Variants in INSL6 observed in about 807,000 individuals in gnomAD.
The protein encoded by INSL6 is insulin-like peptide INSL6.
Under a neutral mutation model 9.4 loss-of-function variants are expected in INSL6, and 16 were observed. The ratio of observed to expected loss-of-function variants is 1.70; its 90% CI spans 1.15 to 2.59. INSL6 has a LOEUF of 2.59. Among genes scored for constraint, INSL6 ranks in the 30% most tolerant of loss-of-function variants. The pLI is 0.00. For missense variants in INSL6, 391 were observed against 257.3 expected, an observed-to-expected ratio of 1.52 and a Z score of -3.56; for synonymous variants, 154 against 96.9, an observed-to-expected ratio of 1.59 and a Z score of -3.46.
At chr9:4,994,927 T>C in the INSL6 span, among the ~76,000 whole-genome samples, 1 of 148,166 alleles carries the variant, frequency 6.7e-6, no homozygotes, top group Non-Finnish European at 1.5e-5. Context: ...TAAATATCTT[T>C]GTACATTTGT....
At chr9:5,070,376 G>T in the INSL6 span, among the ~76,000 whole-genome samples, 1 of 151,832 alleles carries the variant, frequency 6.6e-6, no homozygotes, top group Admixed American at 6.6e-5. Flanking sequence ...AAATTCAAGG[G>T]GTTAAAAATA....
rs1824487735 is a variant in INSL6, at chr9:5,141,106, A to G, written c.377-7514T>C. ...GTACCACATTTTTTTAATCCAGTCTATCACTGACGGACATTTAGGTTGATT... is the reference window on the plus strand; with the variant it reads ...GTACCACATTTTTTTAATCCAGTCTGTCACTGACGGACATTTAGGTTGATT... On this transcript the variant is annotated intron_variant, in intron 2 of 3. Coordinates refer to the INSL6 transcript ENST00000649639. Among the ~76,000 whole-genome samples the G allele has an allele frequency of 2.6e-5, 4 of 152,238 alleles. No homozygotes were observed. The South Asian group carries it at 6.2e-4, about 24-fold the overall frequency.
At chr9:5,041,583 C>T in the INSL6 span, 1 of 501,960 alleles carries the variant, frequency 2.0e-6, no homozygotes, top group Non-Finnish European at 4.0e-6. Context: ...CTACGTGCGG[C>T]GCCTGGACTT....
At chr9:4,996,231 C>T in the INSL6 span, among the ~76,000 whole-genome samples, 1 of 151,982 alleles carries the variant, frequency 6.6e-6, no homozygotes, top group African/African-American at 2.4e-5. Flanking sequence ...TATGGATCAC[C>T]TGAGGTCAGG....
At chr9:5,019,666 C>T in the INSL6 span, among the ~76,000 whole-genome samples, 1 of 152,196 alleles carries the variant, frequency 6.6e-6, no homozygotes, top group South Asian at 2.1e-4. Flanking sequence ...TCATCACTTC[C>T]ATTTTTTTGA....
At chr9:5,057,112 G>A in the INSL6 span, among the ~76,000 whole-genome samples, 1 of 152,010 alleles carries the variant, frequency 6.6e-6, no homozygotes, top group Non-Finnish European at 1.5e-5. Flanking sequence ...TTGTATACAA[G>A]TATTATTTTA....
the INSL6 span, among the ~76,000 whole-genome samples, chr9:5,102,401 C>A: frequency 6.6e-6 from 1 of 152,026 alleles, no homozygotes; most frequent in Non-Finnish European, 1.5e-5. Context: ...GTGAAAAGAC[C>A]AAATCTACAT....
chr9:5,071,166 T>C, the INSL6 span, among the ~76,000 whole-genome samples: 2 of 152,160 alleles, frequency 1.3e-5, no homozygotes, highest in African/African-American at 4.8e-5. Context: ...TCTCCTAATA[T>C]TGTGTGGTGC....
chr9:5,102,326 G>C, the INSL6 span, among the ~76,000 whole-genome samples: 1 of 152,040 alleles, frequency 6.6e-6, no homozygotes, highest in Non-Finnish European at 1.5e-5. Context: ...TAAAGCGAGA[G>C]GAGAAGTTTA....
intron 1 of INSL6, among the ~76,000 whole-genome samples, chr9:5,170,651 A>T (rs1467702076): frequency 6.6e-6 from 1 of 152,080 alleles, no homozygotes; most frequent in Non-Finnish European, 1.5e-5. Flanking sequence ...AAAAGGATAA[A>T]GGGGATATCA....
the INSL6 span, among the ~76,000 whole-genome samples, chr9:5,053,956 C>A: frequency 6.6e-6 from 1 of 151,812 alleles, no homozygotes; most frequent in African/African-American, 2.4e-5. Flanking sequence ...TCCTTAGAAG[C>A]ACAGAAATAA....
At chr9:5,063,971 C>A in the INSL6 span, among the ~76,000 whole-genome samples, 1 of 152,166 alleles carries the variant, frequency 6.6e-6, no homozygotes, top group Non-Finnish European at 1.5e-5. Context: ...GCCTGGCCAA[C>A]ATGTTGAAAC....
chr9:5,087,024 A>G, the INSL6 span, among the ~76,000 whole-genome samples: 1 of 152,194 alleles, frequency 6.6e-6, no homozygotes, highest in Non-Finnish European at 1.5e-5. Context: ...TCCATCCCTC[A>G]AACACTAAAA....
intron 2 of INSL6, among the ~76,000 whole-genome samples, chr9:5,149,890 A>C (rs72701648): frequency 0.03 from 4,615 of 152,326 alleles, 102 homozygotes; most frequent in Non-Finnish European, 0.045. Context: ...TACTCATATA[A>C]AAACAGACAC....
the INSL6 span, among the ~76,000 whole-genome samples, chr9:5,090,165 A>G: frequency 1.3e-5 from 2 of 152,180 alleles, no homozygotes; most frequent in Admixed American, 6.5e-5. Context: ...TTTTTGTTCG[A>G]TATCAATGAG....
intron 1 of INSL6, among the ~76,000 whole-genome samples, chr9:5,183,074 A>G (rs1385241299): frequency 2.6e-5 from 4 of 152,244 alleles, no homozygotes; most frequent in African/African-American, 4.8e-5. Flanking sequence ...TGAAATAAAA[A>G]GTAATCAACT....
At chr9:5,042,432 CGGCCAAGACT>C in the INSL6 span, among the ~76,000 whole-genome samples, 1 of 152,162 alleles carries the variant, frequency 6.6e-6, no homozygotes, top group Non-Finnish European at 1.5e-5. Flanking sequence ...CCACCGCGCC[CGGCCAAGACT>C]GGCCAAAATT....
the INSL6 span, chr9:5,066,666 CT>C: frequency 1.4e-6 from 2 of 1,460,790 alleles, no homozygotes; most frequent in Non-Finnish European, 1.9e-6. Flanking sequence ...ATTGCTTCTT[CT>C]TTACCTTTAG....
the INSL6 span, among the ~76,000 whole-genome samples, chr9:5,013,586 T>TAAA: frequency 6.6e-6 from 1 of 152,234 alleles, no homozygotes. Context: ...ACATGCTGTG[T>TAAA]ACATTCCTCT....
Sources: allele counts gnomAD v4.1 joint callset (sites outside exome capture counted in the v4.1 genomes callset), GRCh38; gene constraint gnomAD v4.1.1; transcripts MANE v1.5; gene names NCBI Gene and HGNC (gene_info 2026-07-23, HGNC 2026-07-21).